The following DISP1 variants were observed in gnomAD, a reference collection of about 807,000 sequenced individuals.
The protein encoded by DISP1 is dispatched RND transporter family member 1.
Under a neutral mutation model 37.3 loss-of-function variants are expected in DISP1, and 30 were observed. That is an observed-to-expected ratio of 0.80 (90% CI 0.60 to 1.09). DISP1 has a LOEUF of 1.09. Among genes scored for constraint, DISP1 ranks in the 50% least tolerant of loss-of-function variants. The pLI is 0.00. For synonymous variants in DISP1, 634 were observed against 690.2 expected, an observed-to-expected ratio of 0.92 and a Z score of 1.28; for missense variants, 1,598 against 1,879.5, an observed-to-expected ratio of 0.85 and a Z score of 2.77.
intron 2 of DISP1, among the ~76,000 whole-genome samples, chr1:222,940,147 A>T (rs937590776): frequency 6.6e-6 from 1 of 151,894 alleles, no homozygotes; most frequent in Non-Finnish European, 1.5e-5. Context: ...GAAAAGAAAA[A>T]AAAATAACCT....
rs114730176 is a variant in DISP1, at chr1:222,847,471, T to A, written c.-159+32393T>A. Among the ~76,000 whole-genome samples, 1,083 of 152,346 alleles carry A rather than the reference T, an allele frequency of 7.1e-3. 3 individuals carry two copies. Among genetic ancestry groups the A allele is most frequent in the Non-Finnish European group, 0.012 (806 of 68,030 alleles). ...AGTTGTATTTACACATATAAAAATGTGTATGTGCATATACACACAGGAATA... is the reference window on the plus strand; with the variant it reads ...AGTTGTATTTACACATATAAAAATGAGTATGTGCATATACACACAGGAATA... On this transcript the variant is annotated intron_variant, in intron 1 of 8. Transcript: ENST00000675850.
intron 1 of DISP1, among the ~76,000 whole-genome samples, chr1:222,843,796 AGGATGGTTAG>A (rs1667741938): frequency 6.6e-6 from 1 of 152,174 alleles, no homozygotes; most frequent in African/African-American, 2.4e-5. Context: ...TGTAGCAACC[AGGATGGTTAG>A]TTATTGGGGA....
chr1:222,818,112 A>G (rs896832089), intron 1 of DISP1, among the ~76,000 whole-genome samples: 1 of 152,108 alleles, frequency 6.6e-6, no homozygotes, highest in African/African-American at 2.4e-5. Context: ...TTGAGAGCCT[A>G]AGGAATAGAA....
intron 4 of DISP1, among the ~76,000 whole-genome samples, chr1:222,986,375 A>G (rs1037189896): frequency 6.6e-6 from 1 of 152,244 alleles, no homozygotes; most frequent in Admixed American, 6.5e-5. Flanking sequence ...TAAATGACCC[A>G]CTTAAAATTG....
chr1:222,882,893 TAAA>T (rs1272082525), intron 1 of DISP1, among the ~76,000 whole-genome samples: 1 of 152,044 alleles, frequency 6.6e-6, no homozygotes, highest in Middle Eastern at 3.2e-3. Flanking sequence ...TTAGAGAAGC[TAAA>T]AAAGAAATTT....
chr1:222,984,435 T>TATATATATATATATATAGAGAGAG (rs67660273), intron 4 of DISP1, among the ~76,000 whole-genome samples: 1 of 108,398 alleles, frequency 9.2e-6, no homozygotes, highest in South Asian at 3.2e-4. Flanking sequence ...TATATATATA[T>TATATATATATATATATAGAGAGAG]AGAGAGAGAG....
intron 1 of DISP1, among the ~76,000 whole-genome samples, chr1:222,870,868 G>A (rs1450140228): frequency 1.3e-5 from 2 of 152,130 alleles, no homozygotes; most frequent in African/African-American, 4.8e-5. Flanking sequence ...CCTTGCCCAT[G>A]CCTATGTCCT....
In DISP1 at chr1:222,862,069, CTG is replaced by C. The variant is rs138576747; in HGVS notation, c.-159+46995_-159+46996del. ...CTGGGATGTCATCAAGGGTAGGAAT[CTG>C]TGTTCTGCTTATCACCTCCTTGTCC... On this transcript the variant is annotated intron_variant, in intron 1 of 8. Transcript: ENST00000675850. Among the ~76,000 whole-genome samples the C allele has an allele frequency of 3.4e-3, 522 of 152,290 alleles. 3 individuals are homozygous for C. The highest frequency in any genetic ancestry group is 0.012 in the African/African-American group (503 of 41,556).
chr1:222,845,719 A>G (rs1667859227), intron 1 of DISP1, among the ~76,000 whole-genome samples: 1 of 152,174 alleles, frequency 6.6e-6, no homozygotes, highest in Admixed American at 6.5e-5. Flanking sequence ...TTTTGGCTCT[A>G]TCTGTATCTC....
At chr1:222,920,324 T>C (rs1672742529) in intron 1 of DISP1, among the ~76,000 whole-genome samples, 1 of 152,200 alleles carries the variant, frequency 6.6e-6, no homozygotes, top group Non-Finnish European at 1.5e-5. Flanking sequence ...ATATTACATT[T>C]TGAAATGCTG....
intron 1 of DISP1, chr1:222,827,371 C>T (rs960902306): frequency 2.0e-5 from 3 of 152,098 alleles, no homozygotes; most frequent in African/African-American, 4.8e-5. Flanking sequence ...GGGGTAGGGG[C>T]ATGGATCATC....
intron 8 of DISP1, among the ~76,000 whole-genome samples, chr1:222,999,815 C>T (rs922861728): frequency 3.3e-5 from 5 of 152,260 alleles, no homozygotes; most frequent in Non-Finnish European, 5.9e-5. Context: ...AAACCAGTCA[C>T]GATGTCTTTT....
At chr1:222,898,732 G>A (rs1300562578) in intron 1 of DISP1, among the ~76,000 whole-genome samples, 1 of 152,108 alleles carries the variant, frequency 6.6e-6, no homozygotes, top group Non-Finnish European at 1.5e-5. Context: ...CCACACGACA[G>A]TTTACTGCAC....
At chr1:222,861,062 C>A (rs185787018) in intron 1 of DISP1, among the ~76,000 whole-genome samples, 33 of 152,244 alleles carry the variant, frequency 2.2e-4, no homozygotes, top group Admixed American at 3.9e-4. Context: ...CCATACTTAT[C>A]AATGAACCAG....
intron 3 of DISP1, among the ~76,000 whole-genome samples, chr1:222,948,132 T>C (rs1248646434): frequency 2.0e-5 from 3 of 152,146 alleles, no homozygotes; most frequent in African/African-American, 7.2e-5. Context: ...AGCTGAGACA[T>C]TGAGCTTCCA....
Position 223,004,041 on chromosome 1 carries a change from A to G in DISP1, c.2644A>G (p.Lys882Glu). 6.2e-7 allele frequency: 1 copy of G among 1,614,108 alleles called. No homozygotes were observed. The highest frequency in any genetic ancestry group is 8.5e-7 in the Non-Finnish European group (1 of 1,180,018). Residue 882 changes from lysine (K) to glutamate (E), a missense_variant, in exon 9 of 9, where the codon AAG becomes GAG. Coordinates refer to ENST00000675850, the MANE Select transcript of DISP1 (RefSeq NM_001377229.1). The surrounding 1 kb of genome is among the most constrained non-coding windows in gnomAD (Gnocchi z 4.9). Reference protein sequence around the residue: ...PCCSHWSFPYKQEIFELCIKR... With the variant: ...PCCSHWSFPYEQEIFELCIKR... ...CTGCAGCCACTGGAGCTTCCCCTAC[A>G]AGCAAGAGATTTTTGAACTGTGCAT...
chr1:222,816,401 A>G (rs1661263622), intron 1 of DISP1, among the ~76,000 whole-genome samples: 1 of 152,196 alleles, frequency 6.6e-6, no homozygotes, highest in Non-Finnish European at 1.5e-5. Context: ...CAAAGTGAGC[A>G]AGGTAGCTAG....
rs191281619 is a variant in DISP1, at chr1:222,965,545, G to T, written c.510-17535G>T. On this transcript the variant is annotated intron_variant, in intron 3 of 8. Transcript: ENST00000675850. ...TTTAGTTCTATAGCATGCAGTCTCTGTTTACCACCTCTTCTTAAACAGTTT... is the reference window on the plus strand; with the variant it reads ...TTTAGTTCTATAGCATGCAGTCTCTTTTTACCACCTCTTCTTAAACAGTTT... Among the ~76,000 whole-genome samples the T allele has an allele frequency of 2.6e-5, 4 of 152,200 alleles. No individual in the cohort carries two copies. In the East Asian group the frequency reaches 7.7e-4, roughly 29 times the overall value.
At chr1:222,913,101 A>T (rs1672300198) in intron 1 of DISP1, among the ~76,000 whole-genome samples, 1 of 152,250 alleles carries the variant, frequency 6.6e-6, no homozygotes, top group Non-Finnish European at 1.5e-5. Flanking sequence ...TAGTAAAAAA[A>T]ATAGTGACTG....
Sources: gnomAD v4.1 joint callset for allele counts (sites outside exome capture counted in the v4.1 genomes callset) on GRCh38, gnomAD v4.1.1 for gene constraint, Gnocchi (gnomAD v3.1) non-coding constraint, MANE v1.5 for transcripts, NCBI Gene and HGNC (gene_info 2026-07-23, HGNC 2026-07-21) for gene names.